The following PRKN variants were observed in gnomAD, a reference collection of about 807,000 sequenced individuals.
The protein encoded by PRKN is E3 ubiquitin-protein ligase parkin.
Under a neutral mutation model 59.5 loss-of-function variants are expected in PRKN, and 56 were observed. The ratio of observed to expected loss-of-function variants is 0.94; its 90% CI spans 0.76 to 1.18. The LOEUF (loss-of-function observed/expected upper bound fraction) is 1.18. PRKN is among the 50% of genes most tolerant of loss of function. PRKN has a pLI of 0.00. For synonymous variants in PRKN, 250 were observed against 222.1 expected, an observed-to-expected ratio of 1.13 and a Z score of -1.12; for missense variants, 657 against 596.4, an observed-to-expected ratio of 1.10 and a Z score of -1.06.
chr6:162,622,293 T>G (rs1050609893), intron 1 of PRKN, among the ~76,000 whole-genome samples: 2 of 130,562 alleles, frequency 1.5e-5, no homozygotes, highest in Non-Finnish European at 3.3e-5. Context: ...CAAATTCTGT[T>G]TTTTTTTTTG....
intron 5 of PRKN, among the ~76,000 whole-genome samples, chr6:162,050,181 T>C (rs2023046): frequency 0.39 from 59,401 of 151,956 alleles, 12,793 homozygotes; most frequent in East Asian, 0.62. Flanking sequence ...TGAAAATCTA[T>C]TTTATGTGCA....
chr6:162,277,160 T>A (rs1780670901), intron 2 of PRKN, among the ~76,000 whole-genome samples: 1 of 152,144 alleles, frequency 6.6e-6, no homozygotes. Flanking sequence ...CAGTAGAAGC[T>A]ACAGCAAATG....
intron 9 of PRKN, among the ~76,000 whole-genome samples, chr6:161,434,310 G>A (rs1244074839): frequency 9.2e-6 from 1 of 108,616 alleles, no homozygotes; most frequent in East Asian, 6.5e-4. Flanking sequence ...TTATTTCTGT[G>A]TCTGCTTAAA....
At chr6:161,730,436 A>T (rs1310506835) in intron 7 of PRKN, among the ~76,000 whole-genome samples, 1 of 149,216 alleles carries the variant, frequency 6.7e-6, no homozygotes, top group East Asian at 2.0e-4. Flanking sequence ...TTGCATTCTG[A>T]TGTGTTGCAT....
chr6:162,649,071 C>T (rs1325189359), intron 1 of PRKN, among the ~76,000 whole-genome samples: 2 of 152,114 alleles, frequency 1.3e-5, no homozygotes, highest in African/African-American at 2.4e-5. Context: ...CCTTGCCAGC[C>T]GCCACAACCA....
chr6:161,889,978 T>C (rs989549432), intron 6 of PRKN, among the ~76,000 whole-genome samples: 6 of 152,154 alleles, frequency 3.9e-5, no homozygotes, highest in African/African-American at 1.2e-4. Flanking sequence ...AATCAGTATA[T>C]ATTTGAAAGT....
At chr6:162,446,531 A>C (rs1298806708) in intron 1 of PRKN, among the ~76,000 whole-genome samples, 2 of 152,206 alleles carry the variant, frequency 1.3e-5, no homozygotes, top group Non-Finnish European at 2.9e-5. Context: ...TATAATAGAA[A>C]AGTTACAGAT....
At chr6:162,716,760 G>GCGCGCGCGCACGCACACACACA (rs1440371220) in intron 1 of PRKN, among the ~76,000 whole-genome samples, 4 of 143,492 alleles carry the variant, frequency 2.8e-5, no homozygotes, top group African/African-American at 5.6e-5. Flanking sequence ...ACCCGCCTGC[G>GCGCGCGCGCACGCACACACACA]CGCGCGCGCA....
chr6:162,120,585 C>T (rs1216642923), intron 4 of PRKN, among the ~76,000 whole-genome samples: 4 of 152,184 alleles, frequency 2.6e-5, no homozygotes, highest in Admixed American at 6.5e-5. Context: ...ATGAGGCCCA[C>T]GTCTATTTTA....
intron 1 of PRKN, among the ~76,000 whole-genome samples, chr6:162,584,157 A>G (rs556003970): frequency 8.6e-4 from 130 of 150,298 alleles, no homozygotes; most frequent in African/African-American, 2.8e-3. Flanking sequence ...AGCTTGCAGT[A>G]AGCTGAGATT....
chr6:162,633,432 CAAAAAA>C (rs531688324), intron 1 of PRKN, among the ~76,000 whole-genome samples: 25 of 61,828 alleles, frequency 4.0e-4, no homozygotes, highest in East Asian at 3.7e-3. Context: ...AAGACTGTCT[CAAAAAA>C]AAAAAAAAAA....
rs554681296 is a variant in PRKN, at chr6:161,454,998, C to T, written c.1084-68121G>A. On this transcript the variant is annotated intron_variant, in intron 9 of 11. Coordinates refer to ENST00000366898, the MANE Select transcript of PRKN (RefSeq NM_004562.3). This position sits in a 1 kb window ranked among gnomAD's most constrained non-coding sequence, Gnocchi z 4.6. ...CCTGTCTCTCCTATTAGAACATAGA[C>T]TTCTTGAGACGATGGACTGTCAGTT... is the stretch of plus-strand genomic sequence containing the variant. Among the ~76,000 whole-genome samples the T allele has an allele frequency of 6.6e-6, 1 of 151,282 alleles. No homozygotes were observed. The highest frequency in any genetic ancestry group is 6.6e-5 in the Admixed American group (1 of 15,190).
intron 2 of PRKN, among the ~76,000 whole-genome samples, chr6:162,387,555 C>CACACACAG (rs1212726833): frequency 8.4e-5 from 8 of 95,632 alleles, no homozygotes; most frequent in African/African-American, 3.3e-4. Flanking sequence ...CACACACACA[C>CACACACAG]AGAGAGAGAG....
Position 161,391,618 on chromosome 6 carries a change from C to T in PRKN, c.1084-4741G>A, listed in dbSNP as rs962897411. Among the ~76,000 whole-genome samples, 2 of 152,008 alleles carry T rather than the reference C, an allele frequency of 1.3e-5. No individual in the cohort carries two copies. The highest frequency in any genetic ancestry group is 2.9e-5 in the Non-Finnish European group (2 of 68,026). On this transcript the variant is annotated intron_variant, in intron 9 of 11. Transcript: ENST00000366898. The surrounding 1 kb of genome is among the most constrained non-coding windows in gnomAD (Gnocchi z 4.9). ...ATTAACTTGGCTAGGCTATGGTCCT[C>T]AGTTACTCAAGCAGACACTAATCTT... is the stretch of plus-strand genomic sequence containing the variant.
At chr6:161,773,302 T>G (rs775427121) in intron 7 of PRKN, among the ~76,000 whole-genome samples, 1 of 152,222 alleles carries the variant, frequency 6.6e-6, no homozygotes, top group African/African-American at 2.4e-5. Context: ...AATTAGTATT[T>G]TATTGACTAC....
chr6:161,643,834 CA>C, intron 7 of PRKN, among the ~76,000 whole-genome samples: 1 of 152,250 alleles, frequency 6.6e-6, no homozygotes, highest in Admixed American at 6.5e-5. Flanking sequence ...ATAATAACAA[CA>C]ATGACATTTA....
chr6:162,112,728 C>G (rs923641430), intron 4 of PRKN, among the ~76,000 whole-genome samples: 10 of 151,700 alleles, frequency 6.6e-5, no homozygotes, highest in African/African-American at 2.4e-4. Flanking sequence ...CACTTGAGCC[C>G]CGGAGTTCAA....
intron 7 of PRKN, among the ~76,000 whole-genome samples, chr6:161,764,256 AC>A (rs1272564522): frequency 6.6e-6 from 1 of 151,434 alleles, no homozygotes; most frequent in Non-Finnish European, 1.5e-5. Flanking sequence ...AATATCTGAA[AC>A]CCCCACTGAA....
rs111252430 is a variant in PRKN, at chr6:162,252,308, G to A, written c.412+10217C>T. 1.8e-3 allele frequency among the ~76,000 whole-genome samples: 274 copies of A among 152,300 alleles called. 1 individual carries two copies. The highest frequency in any genetic ancestry group is 6.2e-3 in the African/African-American group (257 of 41,570). ...AACCTCCCATGGATATTTGTCAGGT[G>A]AAGAATTCAGGAATAAGGTTTGCCT... is the stretch of plus-strand genomic sequence containing the variant. On this transcript the variant is annotated intron_variant, in intron 3 of 11. Transcript: ENST00000366898.
Sources: allele counts gnomAD v4.1 joint callset (sites outside exome capture counted in the v4.1 genomes callset), GRCh38; gene constraint gnomAD v4.1.1; non-coding constraint Gnocchi (gnomAD v3.1); transcripts MANE v1.5; gene names NCBI Gene and HGNC (gene_info 2026-07-23, HGNC 2026-07-21).